The following COL9A2 variants were observed in gnomAD, a reference collection of about 807,000 sequenced individuals.
COL9A2 encodes the protein collagen type IX alpha 2 chain, also known as collagen alpha-2(IX) chain.
COL9A2 carries 66 observed loss-of-function variants against 111.6 expected under a neutral mutation model. The ratio of observed to expected loss-of-function variants is 0.59; its 90% CI spans 0.48 to 0.73. COL9A2 has a LOEUF of 0.73. COL9A2 is among the 30% of genes least tolerant of loss of function. The pLI is 0.00. For missense variants in COL9A2, 881 were observed against 954.1 expected (o/e 0.92, Z 1.01); for synonymous variants, 353 against 364.1 (o/e 0.97, Z 0.35).
Position 40,303,059 on chromosome 1 carries a change from G to C in COL9A2, c.1603+72C>G. ...AGATTTTCAGACAAGTGAACACGTG[G>C]AGGCTCCGGGAGGGGGTGAGGGGGC... On this transcript the variant is annotated intron_variant, in intron 29 of 31. Coordinates refer to ENST00000372748, the MANE Select transcript of COL9A2 (RefSeq NM_001852.4). The surrounding 1 kb of genome is among the most constrained non-coding windows in gnomAD (Gnocchi z 4.6). 6.7e-7 allele frequency: 1 copy of C among 1,485,060 alleles called. No individual in the cohort carries two copies. Among genetic ancestry groups the C allele is most frequent in the Admixed American group, 1.9e-5 (1 of 53,082 alleles). 92.0% of individuals were successfully genotyped at this position (1,485,060 alleles called of 1,614,324 possible).
rs202153520 is a variant in COL9A2 at position 40,302,660 on chromosome 1, C to T, written c.1753G>A (p.Val585Met). 6.4e-5 allele frequency: 102 copies of T among 1,604,042 alleles called. 2 individuals carry two copies. Among genetic ancestry groups the T allele is most frequent in the Admixed American group, 3.2e-4 (19 of 59,248 alleles). ...TTGCCGATCTGACCCACGGCTCCCACGATGCCAGGAACGCCCCGAGGGCCA... is the reference window on the plus strand; with the variant it reads ...TTGCCGATCTGACCCACGGCTCCCATGATGCCAGGAACGCCCCGAGGGCCA... ...HPGPRGVPGI[V>M]GAVGQIGNTG... Residue 585 changes from valine to methionine, a missense_variant, in exon 30 of 32, where the codon GTG becomes ATG. Transcript: ENST00000372748. The surrounding 1 kb of genome is among the most constrained non-coding windows in gnomAD (Gnocchi z 4.5).
chr1:40,313,097 A>G (rs953657342), intron 4 of COL9A2, among the ~76,000 whole-genome samples: 2 of 151,846 alleles, frequency 1.3e-5, no homozygotes, highest in African/African-American at 4.8e-5. Context: ...AAGATTGGTC[A>G]TTTGCTTGAT....
In COL9A2 at chr1:40,304,826, C is replaced by T. The variant is rs568502918; in HGVS notation, c.1129G>A (p.Glu377Lys). 3.9e-6 allele frequency: 6 copies of T among 1,550,778 alleles called. No individual in the cohort carries two copies. The Admixed American group carries it at 5.9e-5, about 15-fold the overall frequency. The stretch of plus-strand genomic sequence containing the variant: ...CCCATGATGCCCTGGGGACCAATTT[C>T]TCCTCGAGGCCCTGGCTCTCCCTGG... ...GKEGEPGPRGEIGPQGIMGQK... is the reference protein window; with the variant it reads ...GKEGEPGPRGKIGPQGIMGQK... Residue 377 changes from glutamate (E) to lysine (K), a missense_variant, in exon 22 of 32, where the codon GAA (glutamate) becomes AAA (lysine). Transcript: ENST00000372748.
intron 30 of COL9A2, 25 bp from the exon 31 acceptor site, chr1:40,301,914 A>G (rs768336173): frequency 1.9e-6 from 3 of 1,598,242 alleles, no homozygotes; most frequent in South Asian, 1.1e-5. Context: ...GGAAATCTTC[A>G]TTTTTCAGAA....
intron 2 of COL9A2, 191 bp downstream of exon 2, chr1:40,315,399 G>A (rs1157464116): frequency 2.1e-6 from 3 of 1,400,510 alleles, no homozygotes; most frequent in Non-Finnish European, 1.9e-6. Context: ...AACGGGCTCC[G>A]CATGTCAGGG....
At position 40,311,333 on chromosome 1, in the gene COL9A2, C is replaced by G. The variant is rs748102200; in HGVS notation, c.520-47G>C. ...GGGTCCTGTGATCAGCTGGGCAGTG[C>G]GCCCCCATCTCTCCAAGCCCCGTGC... On this transcript the variant is annotated intron_variant, in intron 10 of 31. Coordinates refer to ENST00000372748, the MANE Select transcript of COL9A2 (RefSeq NM_001852.4). This position sits in a 1 kb window ranked among gnomAD's most constrained non-coding sequence, Gnocchi z 5.1. The G allele has an allele frequency of 1.3e-6, 2 of 1,599,634 alleles. No homozygotes were observed. Among genetic ancestry groups the G allele is most frequent in the Non-Finnish European group, 1.7e-6 (2 of 1,171,274 alleles).
chr1:40,304,955 G>A, intron 21 of COL9A2, 108 bp from the exon 22 acceptor site: 2 of 940,282 alleles, frequency 2.1e-6, no homozygotes, highest in Non-Finnish European at 3.2e-6. Context: ...GCTTCATCAG[G>A]GAAGGTTTCC....
At chr1:40,309,703 C>T (rs1421542127) in intron 16 of COL9A2, among the ~76,000 whole-genome samples, 1 of 151,796 alleles carries the variant, frequency 6.6e-6, no homozygotes, top group African/African-American at 2.4e-5. Context: ...GATATCCTCA[C>T]ACACTCACAT....
intron 20 of COL9A2, 22 bp downstream of exon 20, chr1:40,306,121 C>T: frequency 6.2e-7 from 1 of 1,613,932 alleles, no homozygotes; most frequent in Non-Finnish European, 8.5e-7. Flanking sequence ...TCAATTCTGT[C>T]CCCAGCTTGG....
chr1:40,303,965 G>T lies in COL9A2; in HGVS notation c.1331C>A (p.Pro444Gln). The T allele has an allele frequency of 6.4e-7, 1 of 1,564,836 alleles. No individual in the cohort carries two copies. Among genetic ancestry groups the T allele is most frequent in the Non-Finnish European group, 8.7e-7 (1 of 1,154,224 alleles). Reference sequence around the variant, plus strand: ...CTCTCCGGGGAGGCCGGCCACCCCTGGGTCACCCTGCAGAGAGAACCACGG... The same window carrying T: ...CTCTCCGGGGAGGCCGGCCACCCCTTGGTCACCCTGCAGAGAGAACCACGG... ...KTGPRGKVGDPGVAGLPGEKG... is the reference protein window; with the variant it reads ...KTGPRGKVGDQGVAGLPGEKG... The change falls in exon 26 of 32, where the codon CCA becomes CAA. Residue 444 changes from proline to glutamine, a missense_variant. By Grantham distance (76) the Pro-to-Gln change is moderately conservative. Transcript: ENST00000372748. This position sits in a 1 kb window ranked among gnomAD's most constrained non-coding sequence, Gnocchi z 4.6.
rs576509824 is a variant in COL9A2 at position 40,303,328 on chromosome 1, G to A, written c.1549-143C>T. The stretch of plus-strand genomic sequence containing the variant: ...CCAAGCTGAGGAACAGATTGTACCT[G>A]GGCAGGGCCAAGGGCTTACTTGGGA... On this transcript the variant is annotated intron_variant, in intron 28 of 31. Coordinates refer to ENST00000372748, the MANE Select transcript of COL9A2 (RefSeq NM_001852.4). This position sits in a 1 kb window ranked among gnomAD's most constrained non-coding sequence, Gnocchi z 4.6. The A allele has an allele frequency of 5.0e-5, 57 of 1,140,626 alleles. No individual in the cohort carries two copies. The South Asian group carries it at 7.2e-4, about 14-fold the overall frequency. The allele number at this position is 1,140,626 out of a possible 1,614,324, so 70.7% of individuals were successfully genotyped here.
At position 40,310,416 on chromosome 1, in the gene COL9A2, T is replaced by C. The variant is rs981549026; in HGVS notation, c.685-99A>G. 9 of 1,238,536 alleles carry C rather than the reference T, an allele frequency of 7.3e-6. No individual in the cohort carries two copies. The East Asian group carries it at 1.6e-4, about 22-fold the overall frequency. 76.7% of individuals were successfully genotyped at this position (1,238,536 alleles called of 1,614,324 possible). Reference sequence around the variant, plus strand: ...TCAATCTTACAGTGCCCTTTTGAGGTAGGCAGCAGAGTCTCTGTCTCATGG... The same window carrying C: ...TCAATCTTACAGTGCCCTTTTGAGGCAGGCAGCAGAGTCTCTGTCTCATGG... On this transcript the variant is annotated intron_variant, in intron 13 of 31. Coordinates refer to ENST00000372748, the MANE Select transcript of COL9A2 (RefSeq NM_001852.4). The surrounding 1 kb of genome is among the most constrained non-coding windows in gnomAD (Gnocchi z 4.9).
chr1:40,309,713 T>C (rs1005673422), intron 16 of COL9A2, among the ~76,000 whole-genome samples: 1 of 151,438 alleles, frequency 6.6e-6, no homozygotes, highest in African/African-American at 2.4e-5. Flanking sequence ...CACACTCACA[T>C]ACACATACTA....
In COL9A2 at chr1:40,315,632, A is replaced by G. The variant is rs1644207493; in HGVS notation, c.108T>C (p.Gly36=). 6.4e-7 allele frequency: 1 copy of G among 1,551,554 alleles called. No individual in the cohort carries two copies. Among genetic ancestry groups the G allele is most frequent in the Non-Finnish European group, 8.7e-7 (1 of 1,147,120 alleles). The change falls in exon 2 of 32, where the codon GGT becomes GGC. Residue 36 remains glycine, a synonymous_variant. Coordinates refer to ENST00000372748, the MANE Select transcript of COL9A2 (RefSeq NM_001852.4). ...CAGGCACTCCCGGCGGTCCCGGGGG[A>G]CCCGGGGGGCCCCGCTCTCCCGGTG... is the stretch of plus-strand genomic sequence containing the variant. ...RGPPGERGPP[G]PPGPPGVPGS...
chr1:40,303,020 GC>G lies in COL9A2; in HGVS notation c.1603+110del. 6 of 1,232,514 alleles carry G rather than the reference GC, an allele frequency of 4.9e-6. No individual in the cohort carries two copies. Among genetic ancestry groups the G allele is most frequent in the Non-Finnish European group, 5.8e-6 (5 of 860,574 alleles). 76.3% of individuals were successfully genotyped at this position (1,232,514 alleles called of 1,614,324 possible). A position where few individuals can be genotyped will look rare whatever the true frequency, so the allele number is the denominator to read the frequency against. ...CCCTTCAGAGACTGGACTGGAAGGAGCCCCCAGGACTCCAGATTTTCAGACA... is the reference window on the plus strand; with the variant it reads ...CCCTTCAGAGACTGGACTGGAAGGAGCCCCAGGACTCCAGATTTTCAGACA... On this transcript the variant is annotated intron_variant, in intron 29 of 31. Transcript: ENST00000372748. This position sits in a 1 kb window ranked among gnomAD's most constrained non-coding sequence, Gnocchi z 4.6.
At chr1:40,315,517 C>T (rs1054390998) in intron 2 of COL9A2, 73 bp downstream of exon 2, 44 of 1,508,550 alleles carry the variant, frequency 2.9e-5, no homozygotes, top group Non-Finnish European at 3.9e-5. Flanking sequence ...GTCCCCACCC[C>T]CACCACAGCG....
chr1:40,303,100 C>T lies in COL9A2; in HGVS notation c.1603+31G>A, dbSNP rs1032745073. On this transcript the variant is annotated intron_variant, in intron 29 of 31. Coordinates refer to ENST00000372748, the MANE Select transcript of COL9A2 (RefSeq NM_001852.4). This position sits in a 1 kb window ranked among gnomAD's most constrained non-coding sequence, Gnocchi z 4.6. Reference sequence around the variant, plus strand: ...GTGAGGGGGCGGCGATGCCCTCGAACTGACTGTGAGGAGGGGTTGCTGCCC... The same window carrying T: ...GTGAGGGGGCGGCGATGCCCTCGAATTGACTGTGAGGAGGGGTTGCTGCCC... 2 of 1,608,232 alleles carry T rather than the reference C, an allele frequency of 1.2e-6. No individual in the cohort carries two copies. Among genetic ancestry groups the T allele is most frequent in the African/African-American group, 1.3e-5 (1 of 74,824 alleles).
chr1:40,306,034 G>C lies in COL9A2; in HGVS notation c.1053+109C>G, dbSNP rs1489577833. The C allele has an allele frequency of 2.3e-6, 3 of 1,302,956 alleles. No individual in the cohort carries two copies. The African/African-American group carries it at 4.4e-5, about 19-fold the overall frequency. The allele number at this position is 1,302,956 out of a possible 1,614,324, so 80.7% of individuals were successfully genotyped here. A position where few individuals can be genotyped will look rare whatever the true frequency, so the allele number is the denominator to read the frequency against. On this transcript the variant is annotated intron_variant, in intron 20 of 31. Transcript: ENST00000372748. ...GGAGGGAGGTGGTTAGGCCCAAGGG[G>C]CTTATGTTCTGGCTGAGCCTCTGAG...
At chr1:40,315,254 A>G (rs1337708319) in intron 2 of COL9A2, 3 of 1,135,820 alleles carry the variant, frequency 2.6e-6, no homozygotes, top group East Asian at 1.2e-4. Flanking sequence ...AAGCGTCCAG[A>G]TGTGCCAGAG....
Sources: allele counts gnomAD v4.1 joint callset (sites outside exome capture counted in the v4.1 genomes callset), GRCh38; gene constraint gnomAD v4.1.1; non-coding constraint Gnocchi (gnomAD v3.1); transcripts MANE v1.5; gene names NCBI Gene and HGNC (gene_info 2026-07-23, HGNC 2026-07-21).